The following HLCS variants were observed in gnomAD, a reference collection of about 807,000 sequenced individuals.
HLCS encodes the protein biotin--protein ligase.
Under a neutral mutation model 75.0 loss-of-function variants are expected in HLCS, and 53 were observed. That is an observed-to-expected ratio of 0.71 (90% confidence interval 0.57 to 0.89). The LOEUF (loss-of-function observed/expected upper bound fraction) is 0.89. Ranked by LOEUF, HLCS falls within the 40% of genes least tolerant of loss-of-function variation. The probability of loss-of-function intolerance (pLI) is 0.00; values close to 1 mark genes in which losing one functional copy is unlikely to be tolerated. For missense variants in HLCS, 966 were observed against 1,074.0 expected, an observed-to-expected ratio of 0.90 and a Z score of 1.41; for synonymous variants, 431 against 428.6, an observed-to-expected ratio of 1.01 and a Z score of -0.07.
intron 6 of HLCS, among the ~76,000 whole-genome samples, chr21:36,846,875 G>A (rs953493847): frequency 4.6e-5 from 7 of 152,118 alleles, no homozygotes; most frequent in Non-Finnish European, 7.4e-5. Context: ...GTCTTGGCTC[G>A]ATTGGTCCAA....
At chr21:36,855,301 C>T (rs970770511) in intron 6 of HLCS, among the ~76,000 whole-genome samples, 5 of 151,670 alleles carry the variant, frequency 3.3e-5, no homozygotes, top group African/African-American at 1.2e-4. Flanking sequence ...GAGGCCAAAG[C>T]GGGTGGATTG....
intron 6 of HLCS, among the ~76,000 whole-genome samples, chr21:36,807,664 T>C (rs545996652): frequency 6.6e-6 from 1 of 152,324 alleles, no homozygotes; most frequent in South Asian, 2.1e-4. Context: ...GATGGTCAAG[T>C]ACAGAGTCTG....
intron 6 of HLCS, among the ~76,000 whole-genome samples, chr21:36,818,033 C>T (rs961423580): frequency 3.3e-5 from 5 of 152,176 alleles, no homozygotes; most frequent in Non-Finnish European, 7.3e-5. Flanking sequence ...CAATCCTTTG[C>T]GGATTAACAT....
At chr21:36,886,065 C>A (rs2064441795) in intron 6 of HLCS, among the ~76,000 whole-genome samples, 1 of 146,904 alleles carries the variant, frequency 6.8e-6, no homozygotes, top group Non-Finnish European at 1.5e-5. Flanking sequence ...ATGTTATCTA[C>A]TTTTTTTTTT....
intron 6 of HLCS, among the ~76,000 whole-genome samples, chr21:36,837,046 G>A (rs1262670061): frequency 6.6e-6 from 1 of 152,164 alleles, no homozygotes; most frequent in Non-Finnish European, 1.5e-5. Context: ...AGCCAGGCGT[G>A]GTGGCATGTG....
chr21:36,929,562 T>C (rs1016400900), intron 5 of HLCS, among the ~76,000 whole-genome samples: 1 of 152,252 alleles, frequency 6.6e-6, no homozygotes, highest in African/African-American at 2.4e-5. Flanking sequence ...ACCTAGACTA[T>C]TGGGTGTTTG....
chr21:36,892,044 T>TA (rs1240514634), intron 6 of HLCS, among the ~76,000 whole-genome samples: 1 of 152,186 alleles, frequency 6.6e-6, no homozygotes, highest in Non-Finnish European at 1.5e-5. Context: ...AAAAACTGTC[T>TA]AGACAAGATC....
intron 6 of HLCS, among the ~76,000 whole-genome samples, chr21:36,883,932 A>C (rs776162853): frequency 5.9e-5 from 9 of 152,202 alleles, no homozygotes; most frequent in African/African-American, 1.2e-4. Flanking sequence ...AGGGTGCTGT[A>C]ATGAGTCAGC....
Position 36,789,063 on chromosome 21 carries a change from T to C in HLCS, c.1893-21778A>G, listed in dbSNP as rs187758068. Reference sequence around the variant, plus strand: ...TCTACTTCTTTTAATTTTGTTTGTTTGTTTGTTTTCAGACAGACTCTCATT... The same window carrying C: ...TCTACTTCTTTTAATTTTGTTTGTTCGTTTGTTTTCAGACAGACTCTCATT... On this transcript the variant is annotated intron_variant, in intron 6 of 10. Transcript: ENST00000674895. 2.6e-5 allele frequency among the ~76,000 whole-genome samples: 4 copies of C among 152,308 alleles called. No individual in the cohort carries two copies. The East Asian group carries it at 7.7e-4, about 29-fold the overall frequency.
chr21:36,980,604 C>G (rs2069092521), intron 1 of HLCS: 1 of 152,352 alleles, frequency 6.6e-6, no homozygotes, highest in Non-Finnish European at 1.5e-5. Flanking sequence ...CCTGGACACC[C>G]GAGTCCCCAG....
intron 6 of HLCS, among the ~76,000 whole-genome samples, chr21:36,821,070 A>G (rs2061826208): frequency 6.6e-6 from 1 of 152,148 alleles, no homozygotes; most frequent in African/African-American, 2.4e-5. Context: ...TCTCATGTCA[A>G]AAAGGGTGGA....
chr21:36,924,134 G>A (rs983711905), intron 5 of HLCS, among the ~76,000 whole-genome samples: 4 of 152,154 alleles, frequency 2.6e-5, no homozygotes, highest in African/African-American at 4.8e-5. Flanking sequence ...CCAAAGCTTC[G>A]CCCTATCTAT....
chr21:36,886,388 G>A (rs1357393075), intron 6 of HLCS, among the ~76,000 whole-genome samples: 1 of 137,972 alleles, frequency 7.2e-6, no homozygotes, highest in Non-Finnish European at 1.5e-5. Flanking sequence ...AGCTGATATC[G>A]CACCACCGCA....
At chr21:36,828,599 A>G (rs1340522814) in intron 6 of HLCS, among the ~76,000 whole-genome samples, 1 of 152,204 alleles carries the variant, frequency 6.6e-6, no homozygotes, top group Non-Finnish European at 1.5e-5. Flanking sequence ...AGCAAAAACA[A>G]TTCACATTAG....
In HLCS at chr21:36,930,582, C is replaced by T. The variant is rs7283538; in HGVS notation, c.1438-149G>A. ...CTGGTCTTGAACTCCTGGGCTCAAA[C>T]GATCCTCCCACCTCAGCCTCCCAAA... is the stretch of plus-strand genomic sequence containing the variant. On this transcript the variant is annotated intron_variant, in intron 4 of 10. Transcript: ENST00000674895. 2.7e-3 allele frequency: 1,947 copies of T among 708,288 alleles called. 20 individuals carry two copies. The highest frequency in any genetic ancestry group is 0.018 in the African/African-American group (1,023 of 55,432). The allele number at this position is 708,288 out of a possible 1,614,324, so 43.9% of individuals were successfully genotyped here.
chr21:36,897,157 T>C, intron 5 of HLCS, 26 bp from the exon 6 acceptor site: 3 of 1,613,748 alleles, frequency 1.9e-6, no homozygotes, highest in South Asian at 1.1e-5. Flanking sequence ...AGAAATGAGA[T>C]GGTCGTAATT....
chr21:36,779,008 G>A (rs2060447019), intron 6 of HLCS, among the ~76,000 whole-genome samples: 2 of 152,106 alleles, frequency 1.3e-5, no homozygotes, highest in Non-Finnish European at 2.9e-5. Flanking sequence ...TAAAAAAACT[G>A]GGGCTAAGAA....
intron 6 of HLCS, among the ~76,000 whole-genome samples, chr21:36,814,573 C>A (rs751340526): frequency 6.6e-6 from 1 of 152,158 alleles, no homozygotes; most frequent in Non-Finnish European, 1.5e-5. Flanking sequence ...AACACAGTTA[C>A]CTCTTTCTGG....
intron 6 of HLCS, among the ~76,000 whole-genome samples, chr21:36,801,887 G>A (rs1208906358): frequency 6.6e-6 from 1 of 151,588 alleles, no homozygotes; most frequent in African/African-American, 2.4e-5. Flanking sequence ...TCATGCCTTG[G>A]CCTCCCAAAG....
Sources: allele counts gnomAD v4.1 joint callset (sites outside exome capture counted in the v4.1 genomes callset), GRCh38; gene constraint gnomAD v4.1.1; transcripts MANE v1.5; gene names NCBI Gene and HGNC (gene_info 2026-07-23, HGNC 2026-07-21).